Variants in GPR107 observed in about 807,000 individuals in gnomAD.
GPR107 encodes the protein G protein-coupled receptor 107.
Under a neutral mutation model 75.5 loss-of-function variants are expected in GPR107, and 31 were observed. That is an observed-to-expected ratio of 0.41 (90% CI 0.31 to 0.55). GPR107 has a LOEUF of 0.55. Ranked by LOEUF, GPR107 falls within the 20% of genes least tolerant of loss-of-function variation. The pLI is 0.26. For synonymous variants in GPR107, 267 were observed against 251.3 expected, an observed-to-expected ratio of 1.06 and a Z score of -0.59; for missense variants, 572 against 665.7, an observed-to-expected ratio of 0.86 and a Z score of 1.55.
chr9:130,071,023 CT>C (rs61429547), intron 1 of GPR107, among the ~76,000 whole-genome samples: 5,961 of 105,622 alleles, frequency 0.056, 406 homozygotes, highest in African/African-American at 0.13. Flanking sequence ...CCAGTCCTAA[CT>C]TTTTTTTTTT....
intron 1 of GPR107, among the ~76,000 whole-genome samples, chr9:130,055,414 G>C (rs973492791): frequency 2.0e-5 from 3 of 151,728 alleles, no homozygotes; most frequent in South Asian, 2.1e-4. Context: ...TGTAGTCCCA[G>C]CTACTCGGGA....
rs115044719 is a variant in GPR107 at position 130,066,546 on chromosome 9, C to T, written c.142-9090C>T. Among the ~76,000 whole-genome samples the T allele has an allele frequency of 4.4e-3, 672 of 152,114 alleles. 9 individuals are homozygous for T. Among genetic ancestry groups the T allele is most frequent in the African/African-American group, 0.015 (643 of 41,502 alleles). The stretch of plus-strand genomic sequence containing the variant: ...AAAATTAATGTTTGCTGCAACTGGG[C>T]GCATGTCCATCCGTAGGTTAGCCAT... On this transcript the variant is annotated intron_variant, in intron 1 of 17. Transcript: ENST00000347136.
intron 3 of GPR107, 40 bp downstream of exon 3, chr9:130,076,502 G>C: frequency 7.9e-7 from 1 of 1,266,660 alleles, no homozygotes; most frequent in Non-Finnish European, 1.2e-6. Context: ...CTCTTCACCT[G>C]AGCCCAGGCC....
chr9:130,094,782 G>C (rs1455197264), intron 9 of GPR107, among the ~76,000 whole-genome samples: 1 of 152,032 alleles, frequency 6.6e-6, no homozygotes, highest in African/African-American at 2.4e-5. Flanking sequence ...CCAGGTTCAA[G>C]CGATTCTCTT....
In GPR107 at chr9:130,107,694, C is replaced by A. The variant is rs555571574; in HGVS notation, c.1306+155C>A. On this transcript the variant is annotated intron_variant, in intron 14 of 17. Coordinates refer to ENST00000347136, the MANE Select transcript of GPR107 (RefSeq NM_020960.5). ...CTGGGGCCCACTTCGTGAGAGCAGC[C>A]AGGGGTAGTTTGGAGAAGGAGGTGT... Among the ~76,000 whole-genome samples, 4 of 152,184 alleles carry A rather than the reference C, an allele frequency of 2.6e-5. No individual in the cohort carries two copies. In the East Asian group the frequency reaches 7.7e-4, roughly 29 times the overall value.
intron 7 of GPR107, among the ~76,000 whole-genome samples, chr9:130,089,613 C>G (rs1830687211): frequency 6.6e-6 from 1 of 152,142 alleles, no homozygotes; most frequent in Non-Finnish European, 1.5e-5. Flanking sequence ...CTACTCTGAT[C>G]AACTATGATG....
intron 12 of GPR107, among the ~76,000 whole-genome samples, chr9:130,101,908 G>A (rs879832069): frequency 8.5e-5 from 13 of 152,276 alleles, no homozygotes; most frequent in Non-Finnish European, 1.8e-4. Context: ...TGGAAGGTTG[G>A]GGGTGGAAGG....
chr9:130,102,447 C>T (rs1831055154), intron 12 of GPR107, among the ~76,000 whole-genome samples: 1 of 152,186 alleles, frequency 6.6e-6, no homozygotes, highest in Non-Finnish European at 1.5e-5. Flanking sequence ...GAAGCCCGTC[C>T]TGGGCTTCCC....
Position 130,135,286 on chromosome 9 carries a change from C to T in GPR107, c.*165C>T, listed in dbSNP as rs1405371368. The T allele has an allele frequency of 2.0e-5, 10 of 492,104 alleles. No homozygotes were observed. The East Asian group carries it at 3.5e-4, about 17-fold the overall frequency. The allele number at this position is 492,104 out of a possible 1,614,324, so 30.5% of individuals were successfully genotyped here. On this transcript the variant is annotated 3_prime_UTR_variant, in exon 18 of 18. Coordinates refer to ENST00000347136, the MANE Select transcript of GPR107 (RefSeq NM_020960.5). ...CCGCGGAAACCTGATTTTGTACTCTCTTTTATGGAAACGATCTGTGGCTGT... is the reference window on the plus strand; with the variant it reads ...CCGCGGAAACCTGATTTTGTACTCTTTTTTATGGAAACGATCTGTGGCTGT...
intron 14 of GPR107, among the ~76,000 whole-genome samples, chr9:130,110,898 T>C (rs569577127): frequency 6.6e-6 from 1 of 152,314 alleles, no homozygotes; most frequent in African/African-American, 2.4e-5. Context: ...GGCAATAATG[T>C]CTCCTATTAG....
At chr9:130,101,607 C>T (rs1247511725) in intron 12 of GPR107, among the ~76,000 whole-genome samples, 2 of 152,256 alleles carry the variant, frequency 1.3e-5, no homozygotes, top group Non-Finnish European at 1.5e-5. Flanking sequence ...CCGTGAACTA[C>T]ACCAGTGAGT....
intron 14 of GPR107, among the ~76,000 whole-genome samples, chr9:130,108,142 A>G (rs926138402): frequency 4.6e-5 from 7 of 152,248 alleles, no homozygotes; most frequent in African/African-American, 1.4e-4. Flanking sequence ...AATAATGTTC[A>G]TGACCACAGG....
chr9:130,121,520 T>C (rs1487709082), intron 14 of GPR107, among the ~76,000 whole-genome samples: 2 of 152,196 alleles, frequency 1.3e-5, no homozygotes, highest in Admixed American at 6.5e-5. Context: ...TTGGCTTTAC[T>C]CTTAGCCCTG....
At chr9:130,114,985 T>C (rs1342590954) in intron 14 of GPR107, among the ~76,000 whole-genome samples, 5 of 152,226 alleles carry the variant, frequency 3.3e-5, no homozygotes, top group Admixed American at 1.3e-4. Context: ...CTCTGTTGTA[T>C]CTGGGTGTGT....
At chr9:130,115,064 A>G (rs1831389138) in intron 14 of GPR107, among the ~76,000 whole-genome samples, 5 of 152,228 alleles carry the variant, frequency 3.3e-5, no homozygotes, top group Admixed American at 2.6e-4. Context: ...TGAGTGCATC[A>G]TGGCTGCAAC....
intron 13 of GPR107, among the ~76,000 whole-genome samples, chr9:130,105,667 T>C (rs1196692616): frequency 6.6e-6 from 1 of 152,102 alleles, no homozygotes. Context: ...AGAGTACTTC[T>C]CATTCCAGCC....
chr9:130,064,540 G>A (rs1433810027), intron 1 of GPR107, among the ~76,000 whole-genome samples: 2 of 152,136 alleles, frequency 1.3e-5, no homozygotes, highest in East Asian at 3.8e-4. Flanking sequence ...CTGTTTAGTT[G>A]CAGAATAACA....
intron 12 of GPR107, among the ~76,000 whole-genome samples, chr9:130,102,308 A>G (rs897998387): frequency 6.6e-6 from 1 of 152,108 alleles, no homozygotes; most frequent in African/African-American, 2.4e-5. Flanking sequence ...GAGGTCTCGG[A>G]GTTGTGAATG....
chr9:130,112,094 C>T lies in GPR107; in HGVS notation c.1306+4555C>T, dbSNP rs1428942592. On this transcript the variant is annotated intron_variant, in intron 14 of 17. Coordinates refer to ENST00000347136, the MANE Select transcript of GPR107 (RefSeq NM_020960.5). The surrounding 1 kb of genome is among the most constrained non-coding windows in gnomAD (Gnocchi z 4.0). ...ATAGGACTGGCGTCGAGATACACAC[C>T]GTAAATTTAATTAACAGTCTCTGCT... 1.3e-5 allele frequency among the ~76,000 whole-genome samples: 2 copies of T among 152,212 alleles called. No homozygotes were observed. The highest frequency in any genetic ancestry group is 2.9e-5 in the Non-Finnish European group (2 of 68,042).
Sources: allele counts gnomAD v4.1 joint callset (sites outside exome capture counted in the v4.1 genomes callset), GRCh38; gene constraint gnomAD v4.1.1; non-coding constraint Gnocchi (gnomAD v3.1); transcripts MANE v1.5; gene names NCBI Gene and HGNC (gene_info 2026-07-23, HGNC 2026-07-21).